The following GRID2 variants were observed in gnomAD, a reference collection of about 807,000 sequenced individuals.
GRID2 encodes the protein glutamate receptor ionotropic, delta-2.
A neutral mutation model predicts 114.8 loss-of-function variants in GRID2; 33 were observed. That is an observed-to-expected ratio of 0.29 (90% confidence interval 0.22 to 0.38). The LOEUF (loss-of-function observed/expected upper bound fraction) is 0.38. GRID2 is among the 10% of genes least tolerant of loss of function. The pLI, the probability that GRID2 is intolerant of heterozygous loss-of-function variation, is 1.00. For missense variants in GRID2, 1,184 were observed against 1,257.7 expected (o/e 0.94, Z 0.89); for synonymous variants, 505 against 449.9 (o/e 1.12, Z -1.55).
At chr4:93,719,403 A>C (rs1284930430) in intron 14 of GRID2, among the ~76,000 whole-genome samples, 2 of 151,800 alleles carry the variant, frequency 1.3e-5, no homozygotes, top group Non-Finnish European at 2.9e-5. Context: ...AATCCAAGGG[A>C]CTTTTTTTTT....
chr4:92,905,083 T>C (rs1018847931), intron 2 of GRID2, among the ~76,000 whole-genome samples: 4 of 151,972 alleles, frequency 2.6e-5, no homozygotes, highest in African/African-American at 9.7e-5. Flanking sequence ...TCAAAACAAA[T>C]GCTATATAGA....
intron 1 of GRID2, among the ~76,000 whole-genome samples, chr4:92,402,638 T>G (rs1284163790): frequency 1.3e-5 from 2 of 152,198 alleles, no homozygotes; most frequent in African/African-American, 2.4e-5. Context: ...CTTAACATAT[T>G]CAGTAAACCA....
At chr4:92,781,481 G>T (rs1028677560) in intron 2 of GRID2, among the ~76,000 whole-genome samples, 7 of 152,134 alleles carry the variant, frequency 4.6e-5, no homozygotes, top group African/African-American at 1.7e-4. Flanking sequence ...ATTTCAAAGA[G>T]ATTGAAATCT....
At chr4:93,303,137 TGA>T (rs926373519) in intron 8 of GRID2, among the ~76,000 whole-genome samples, 1 of 152,076 alleles carries the variant, frequency 6.6e-6, no homozygotes, top group African/African-American at 2.4e-5. Context: ...CCAGATCTTG[TGA>T]GAACTCACCC....
intron 2 of GRID2, among the ~76,000 whole-genome samples, chr4:92,678,178 T>G (rs1019305274): frequency 6.6e-6 from 1 of 152,156 alleles, no homozygotes; most frequent in Non-Finnish European, 1.5e-5. Flanking sequence ...TATTTTTTAT[T>G]GCGATTTCCT....
chr4:92,474,966 TTG>T (rs1491225388), intron 1 of GRID2, among the ~76,000 whole-genome samples: 1 of 17,354 alleles, frequency 5.8e-5, no homozygotes, highest in Non-Finnish European at 2.1e-4. Flanking sequence ...TTTAATTTTT[TTG>T]GGGGGGGGGT....
intron 2 of GRID2, among the ~76,000 whole-genome samples, chr4:92,847,304 T>A (rs1288915134): frequency 1.3e-5 from 2 of 152,070 alleles, no homozygotes; most frequent in African/African-American, 4.8e-5. Context: ...CCAGCACTTC[T>A]GCTCCTGGCA....
At chr4:92,345,368 C>A (rs1318832463) in intron 1 of GRID2, among the ~76,000 whole-genome samples, 1 of 152,210 alleles carries the variant, frequency 6.6e-6, no homozygotes, top group Admixed American at 6.5e-5. Context: ...TCGATGGGCA[C>A]TTAGATTAGT....
At chr4:93,316,375 G>C (rs370330061) in intron 8 of GRID2, among the ~76,000 whole-genome samples, 1 of 111,508 alleles carries the variant, frequency 9.0e-6, no homozygotes, top group Non-Finnish European at 1.8e-5. Context: ...GAAAAAGAAA[G>C]AAAGAAAGAA....
chr4:93,216,973 C>A, intron 6 of GRID2, 62 bp downstream of exon 6: 1 of 1,091,900 alleles, frequency 9.2e-7, no homozygotes, highest in Non-Finnish European at 1.4e-6. Context: ...GCAAGGAGAG[C>A]TTTATGAGTT....
intron 1 of GRID2, among the ~76,000 whole-genome samples, chr4:92,376,500 A>G (rs1729363429): frequency 6.6e-6 from 1 of 151,976 alleles, no homozygotes; most frequent in African/African-American, 2.4e-5. Context: ...ATATGGTGCA[A>G]GCTGTCAGTG....
chr4:92,857,420 T>C (rs751688727), intron 2 of GRID2, among the ~76,000 whole-genome samples: 108 of 152,234 alleles, frequency 7.1e-4, no homozygotes, highest in Non-Finnish European at 1.4e-3. Flanking sequence ...AGTGAACCCA[T>C]GGATGATAAA....
At chr4:93,327,927 T>C (rs896377777) in intron 8 of GRID2, among the ~76,000 whole-genome samples, 1 of 152,116 alleles carries the variant, frequency 6.6e-6, no homozygotes, top group Non-Finnish European at 1.5e-5. Context: ...TCAACCACCA[T>C]CATCTCATAC....
chr4:92,643,518 C>T (rs1020724382), intron 2 of GRID2, among the ~76,000 whole-genome samples: 5 of 151,790 alleles, frequency 3.3e-5, no homozygotes, highest in Admixed American at 2.0e-4. Flanking sequence ...CAAAAACTCA[C>T]TAGCATTTTT....
chr4:93,465,774 A>G (rs1724209212), intron 11 of GRID2, among the ~76,000 whole-genome samples: 1 of 152,256 alleles, frequency 6.6e-6, no homozygotes, highest in Admixed American at 6.5e-5. Context: ...AAGGAAATAT[A>G]TTAGGAAAAC....
intron 2 of GRID2, among the ~76,000 whole-genome samples, chr4:92,765,163 A>G (rs1738200754): frequency 6.6e-6 from 1 of 152,136 alleles, no homozygotes; most frequent in Admixed American, 6.6e-5. Flanking sequence ...ATTTTATACT[A>G]TTTTTTGGTA....
downstream of GRID2, among the ~76,000 whole-genome samples, chr4:93,777,336 AT>A (rs894997594): frequency 6.6e-6 from 1 of 152,220 alleles, no homozygotes; most frequent in Admixed American, 6.5e-5. Context: ...TCCATGTAAC[AT>A]TGATGACAAA....
intron 2 of GRID2, among the ~76,000 whole-genome samples, chr4:92,706,883 G>A (rs1734981711): frequency 6.6e-6 from 1 of 152,078 alleles, no homozygotes; most frequent in African/African-American, 2.4e-5. Flanking sequence ...TGCCAACAGT[G>A]TTGTACCATT....
intron 2 of GRID2, among the ~76,000 whole-genome samples, chr4:92,656,340 G>T (rs1732234445): frequency 1.3e-5 from 2 of 151,444 alleles, no homozygotes; most frequent in Admixed American, 1.3e-4. Context: ...GTTTGAAATT[G>T]CTGAAAAGCT....
Sources: allele counts gnomAD v4.1 joint callset (sites outside exome capture counted in the v4.1 genomes callset), GRCh38; gene constraint gnomAD v4.1.1; transcripts MANE v1.5; gene names NCBI Gene and HGNC (gene_info 2026-07-23, HGNC 2026-07-21).